The following KIFC3 variants were observed in gnomAD, a reference collection of about 807,000 sequenced individuals.
KIFC3 encodes the protein kinesin-like protein KIFC3.
KIFC3 carries 60 observed loss-of-function variants against 101.8 expected under a neutral mutation model. The observed-to-expected ratio is 0.59, with a 90% confidence interval of 0.48 to 0.73. KIFC3 has a LOEUF of 0.73. KIFC3 is among the 30% of genes least tolerant of loss of function. KIFC3 has a pLI of 0.00. For synonymous variants in KIFC3, 476 were observed against 482.7 expected, an observed-to-expected ratio of 0.99 and a Z score of 0.18; for missense variants, 966 against 1,137.1, an observed-to-expected ratio of 0.85 and a Z score of 2.16.
intron 7 of KIFC3, among the ~76,000 whole-genome samples, chr16:57,770,177 G>T (rs1239921535): frequency 6.6e-6 from 1 of 152,256 alleles, no homozygotes; most frequent in Admixed American, 6.5e-5. Context: ...CACACATCAG[G>T]TGCCCAAGCC....
chr16:57,827,632 G>A (rs556167612), intron 1 of KIFC3, among the ~76,000 whole-genome samples: 1 of 152,266 alleles, frequency 6.6e-6, no homozygotes, highest in South Asian at 2.1e-4. Context: ...CGTTTTCTGA[G>A]GTCTAGAAGT....
chr16:57,820,969 G>A (rs895645772), intron 1 of KIFC3, among the ~76,000 whole-genome samples: 2 of 151,880 alleles, frequency 1.3e-5, no homozygotes, highest in Admixed American at 6.6e-5. Context: ...AAAAAAAAAT[G>A]TCTATTTAAA....
chr16:57,786,291 C>A (rs2053314477), intron 3 of KIFC3, among the ~76,000 whole-genome samples: 2 of 152,186 alleles, frequency 1.3e-5, no homozygotes, highest in African/African-American at 4.8e-5. Flanking sequence ...AGGGAAACAC[C>A]CGGCTGGGCA....
At chr16:57,802,844 CA>C, upstream of KIFC3, 1 of 982,484 alleles carries the variant, frequency 1.0e-6, no homozygotes, top group Non-Finnish European at 1.6e-6. The surrounding 1 kb of genome is among the most constrained non-coding windows in gnomAD (Gnocchi z 5.0). Context: ...TACTTTTGCA[CA>C]GCCTCAAACC....
At position 57,795,081 on chromosome 16, in the gene KIFC3, C is replaced by T. The variant is rs377011684; in HGVS notation, c.233G>A (p.Arg78His). 86 of 1,608,566 alleles carry T rather than the reference C, an allele frequency of 5.3e-5. No homozygotes were observed. The highest frequency in any genetic ancestry group is 3.2e-4 in the Admixed American group (19 of 59,190). ...DEDSSARSAA[R>H]PALAQCRALS... ...GGCTCGGCACTGAGCTAGGGCTGGGCGAGCTGCACTTCGGGCACTGGAGTC... is the reference window on the plus strand; with the variant it reads ...GGCTCGGCACTGAGCTAGGGCTGGGTGAGCTGCACTTCGGGCACTGGAGTC... The change falls in exon 3 of 20, where the codon CGC (arginine) becomes CAC (histidine). Residue 78 changes from arginine (R) to histidine (H), a missense_variant. Around this residue, in one of 2 missense-constraint regions of KIFC3, gnomAD observed 277 missense variants for 252.5 expected, o/e 1.10. Transcript: ENST00000445690.
chr16:57,851,570 CTTT>C (rs11376679), intron 1 of KIFC3, among the ~76,000 whole-genome samples: 5 of 144,118 alleles, frequency 3.5e-5, no homozygotes, highest in African/African-American at 2.5e-5. Flanking sequence ...TTCGTTCATT[CTTT>C]TTTTTTTTTT....
intron 1 of KIFC3, among the ~76,000 whole-genome samples, chr16:57,840,057 G>T (rs1431814764): frequency 6.6e-6 from 1 of 152,116 alleles, no homozygotes; most frequent in Non-Finnish European, 1.5e-5. Context: ...ACCTAGCTTA[G>T]CCAGCCAAGG....
chr16:57,847,585 G>A (rs1354553192), intron 1 of KIFC3, among the ~76,000 whole-genome samples: 1 of 152,038 alleles, frequency 6.6e-6, no homozygotes, highest in African/African-American at 2.4e-5. Context: ...GTCAATTTGT[G>A]GAATTGACAC....
intron 12 of KIFC3, among the ~76,000 whole-genome samples, chr16:57,763,915 G>C (rs2050154369): frequency 6.6e-6 from 1 of 152,290 alleles, no homozygotes; most frequent in East Asian, 1.9e-4. Context: ...GTCCCCCCTT[G>C]CCTCTCTCCC....
chr16:57,850,220 T>C (rs897615276), intron 1 of KIFC3, among the ~76,000 whole-genome samples: 1 of 151,456 alleles, frequency 6.6e-6, no homozygotes, highest in Non-Finnish European at 1.5e-5. Context: ...CTGGGCAACA[T>C]AGCGAGACCC....
intron 16 of KIFC3, 37 bp from the exon 17 acceptor site, chr16:57,760,453 G>A: frequency 6.9e-6 from 11 of 1,600,558 alleles, no homozygotes; most frequent in Non-Finnish European, 9.4e-6. Flanking sequence ...ACCCGGGCCA[G>A]CTGGAGGGGC....
chr16:57,841,989 A>G (rs1245955331), intron 1 of KIFC3, among the ~76,000 whole-genome samples: 1 of 151,252 alleles, frequency 6.6e-6, no homozygotes, highest in Non-Finnish European at 1.5e-5. Context: ...GCCTTCCCTG[A>G]CCATCCCCAC....
intron 1 of KIFC3, among the ~76,000 whole-genome samples, chr16:57,801,002 TG>T (rs1244246259): frequency 1.3e-5 from 2 of 152,134 alleles, no homozygotes; most frequent in Non-Finnish European, 2.9e-5. Flanking sequence ...ATCTATAAAA[TG>T]GGGAGAACAC....
At chr16:57,815,654 A>G (rs1272865658) in intron 1 of KIFC3, 12 of 1,289,628 alleles carry the variant, frequency 9.3e-6, no homozygotes, top group Non-Finnish European at 1.0e-5. Context: ...ACGTAAGTGA[A>G]GTGGGTATTC....
chr16:57,860,092 T>TAAAATAAAAAC (rs1555485107), intron 1 of KIFC3, among the ~76,000 whole-genome samples: 3 of 127,236 alleles, frequency 2.4e-5, no homozygotes, highest in Non-Finnish European at 5.4e-5. Flanking sequence ...TAAAATAAAA[T>TAAAATAAAAAC]AAAAACAAGT....
At chr16:57,783,070 G>A (rs1013667794) in intron 3 of KIFC3, among the ~76,000 whole-genome samples, 10 of 152,378 alleles carry the variant, frequency 6.6e-5, no homozygotes, top group African/African-American at 1.9e-4. Context: ...AGAGGCTAGA[G>A]AGCTGGGGCT....
At chr16:57,759,350 C>T in intron 18 of KIFC3, 197 bp from the exon 19 acceptor site, 2 of 646,670 alleles carry the variant, frequency 3.1e-6, no homozygotes, top group East Asian at 2.8e-5. Context: ...CAAGCCCGGC[C>T]CTTTCTACCC....
At chr16:57,802,946 C>T (rs1247186496), upstream of KIFC3, 1 of 1,533,502 alleles carries the variant, frequency 6.5e-7, no homozygotes, top group African/African-American at 1.4e-5. This position sits in a 1 kb window ranked among gnomAD's most constrained non-coding sequence, Gnocchi z 5.0. Context: ...AACACACACA[C>T]AAGCTCTTAC....
intron 1 of KIFC3, among the ~76,000 whole-genome samples, chr16:57,822,124 A>C (rs782301873): frequency 2.6e-5 from 4 of 152,162 alleles, no homozygotes; most frequent in Non-Finnish European, 5.9e-5. Context: ...CAAGTAAAAC[A>C]AGAAAATTCC....
Sources: gnomAD v4.1 joint callset for allele counts (sites outside exome capture counted in the v4.1 genomes callset) on GRCh38, gnomAD v4.1.1 for gene constraint, gnomAD v4.1.1 regional missense constraint, Gnocchi (gnomAD v3.1) non-coding constraint, MANE v1.5 for transcripts, NCBI Gene and HGNC (gene_info 2026-07-23, HGNC 2026-07-21) for gene names.